Variants in SBF2 observed in about 807,000 individuals in gnomAD.
SBF2 encodes myotubularin-related protein 13.
A neutral mutation model predicts 225.2 loss-of-function variants in SBF2; 112 were observed. The observed-to-expected ratio is 0.50, with a 90% CI of 0.43 to 0.58. The LOEUF is 0.58. Among genes scored for constraint, SBF2 ranks in the 20% least tolerant of loss-of-function variants. The pLI is 0.00. For synonymous variants in SBF2, 763 were observed against 773.3 expected (o/e 0.99, Z 0.22); for missense variants, 1,996 against 2,206.2 (o/e 0.90, Z 1.91).
At chr11:10,147,204 G>A (rs182895585) in intron 2 of SBF2, among the ~76,000 whole-genome samples, 12 of 152,116 alleles carry the variant, frequency 7.9e-5, no homozygotes, top group Non-Finnish European at 1.2e-4. Flanking sequence ...TTGACCCAGC[G>A]ATCCCATTAG....
chr11:10,143,312 C>G (rs1954736612), intron 2 of SBF2, among the ~76,000 whole-genome samples: 1 of 152,098 alleles, frequency 6.6e-6, no homozygotes. Context: ...GCTGGGACTA[C>G]AGGTGTGCGC....
At chr11:9,840,079 A>T (rs1192380573) in intron 25 of SBF2, among the ~76,000 whole-genome samples, 3 of 81,996 alleles carry the variant, frequency 3.7e-5, no homozygotes, top group Non-Finnish European at 6.9e-5. Context: ...CTAAAAATAC[A>T]AAAAATTAGC....
At chr11:10,213,383 C>T (rs12278680) in intron 1 of SBF2, among the ~76,000 whole-genome samples, 21,947 of 152,148 alleles carry the variant, frequency 0.14, 1,853 homozygotes, top group East Asian at 0.28. Flanking sequence ...AGCAGACAAT[C>T]AGAACCACTC....
intron 32 of SBF2, among the ~76,000 whole-genome samples, chr11:9,798,979 A>C (rs1237468060): frequency 1.3e-5 from 2 of 151,748 alleles, no homozygotes; most frequent in Non-Finnish European, 2.9e-5. Flanking sequence ...AAAAACAAAC[A>C]AACAAAAAAC....
Position 9,785,325 on chromosome 11 carries a change from AAGAC to A in SBF2, c.5038-11_5038-8del, listed in dbSNP as rs1189608485. 32 of 1,613,056 alleles carry A rather than the reference AAGAC, an allele frequency of 2.0e-5. No homozygotes were observed. Among genetic ancestry groups the A allele is most frequent in the Non-Finnish European group, 2.5e-5 (30 of 1,179,200 alleles). ...TCGACAGGTGTCTTTGGGACTGAAAAAGACAGGACAGGAGCTAGGAAACCTTTAC... is the reference window on the plus strand; with the variant it reads ...TCGACAGGTGTCTTTGGGACTGAAAAAGGACAGGAGCTAGGAAACCTTTAC... On this transcript the variant is annotated splice_region_variant and splice_polypyrimidine_tract_variant and intron_variant, in intron 36 of 39. Transcript: ENST00000256190.
chr11:9,973,006 C>T (rs1165668404), intron 13 of SBF2, among the ~76,000 whole-genome samples: 3 of 152,120 alleles, frequency 2.0e-5, no homozygotes, highest in East Asian at 1.9e-4. Context: ...TTAGAAGATT[C>T]GAAAAAGACT....
intron 17 of SBF2, among the ~76,000 whole-genome samples, chr11:9,885,367 T>C (rs781311773): frequency 3.3e-5 from 5 of 151,412 alleles, no homozygotes; most frequent in Non-Finnish European, 5.9e-5. Flanking sequence ...GAACTCTTCA[T>C]TGTATTATTT....
chr11:9,895,554 T>C (rs1205367439), intron 17 of SBF2, among the ~76,000 whole-genome samples: 3 of 152,174 alleles, frequency 2.0e-5, no homozygotes, highest in African/African-American at 7.2e-5. Context: ...TCAATGTCAT[T>C]CATTCAATAA....
intron 2 of SBF2, chr11:10,149,104 T>TCCAA (rs1565286536): frequency 6.6e-6 from 1 of 152,290 alleles, no homozygotes; most frequent in Non-Finnish European, 1.5e-5. Flanking sequence ...ATCCAAATGC[T>TCCAA]AATAACCAAC....
At chr11:9,789,383 A>G (rs756450009) in intron 34 of SBF2, 41 bp from the exon 35 acceptor site, 35 of 1,487,516 alleles carry the variant, frequency 2.4e-5, no homozygotes, top group South Asian at 1.8e-4. Flanking sequence ...CTTGACCCCA[A>G]AGTACCCCAA....
chr11:10,267,116 T>G (rs1020228272), intron 1 of SBF2, among the ~76,000 whole-genome samples: 2 of 151,842 alleles, frequency 1.3e-5, no homozygotes, highest in African/African-American at 4.8e-5. Flanking sequence ...TTAAATTAAA[T>G]TACATTAAAT....
chr11:9,829,999 G>C (rs1049238589), intron 27 of SBF2, among the ~76,000 whole-genome samples: 1 of 152,210 alleles, frequency 6.6e-6, no homozygotes, highest in South Asian at 2.1e-4. Flanking sequence ...CCCACCAGGG[G>C]ACATGAGCCT....
intron 16 of SBF2, among the ~76,000 whole-genome samples, chr11:9,936,029 A>G (rs1202307514): frequency 6.6e-6 from 1 of 151,446 alleles, no homozygotes; most frequent in East Asian, 2.0e-4. Flanking sequence ...AATCTACAGA[A>G]TGGGAGAAAA....
At chr11:9,905,125 A>C (rs1862023221) in intron 16 of SBF2, among the ~76,000 whole-genome samples, 1 of 152,246 alleles carries the variant, frequency 6.6e-6, no homozygotes, top group Non-Finnish European at 1.5e-5. Context: ...GAAATCATTA[A>C]TGCATGTAAA....
intron 1 of SBF2, among the ~76,000 whole-genome samples, chr11:10,271,577 T>C (rs1318415990): frequency 3.7e-5 from 5 of 136,796 alleles, no homozygotes; most frequent in Non-Finnish European, 5.1e-5. Flanking sequence ...GGTCTTCATT[T>C]AGGAATTATA....
intron 1 of SBF2, among the ~76,000 whole-genome samples, chr11:10,243,215 T>C (rs1959408681): frequency 6.6e-6 from 1 of 151,848 alleles, no homozygotes; most frequent in Non-Finnish European, 1.5e-5. Context: ...AACAATATAT[T>C]CTGGAACAAC....
chr11:10,015,748 G>T (rs1247562614), intron 6 of SBF2, among the ~76,000 whole-genome samples: 1 of 152,158 alleles, frequency 6.6e-6, no homozygotes. Flanking sequence ...TGAAGAATCT[G>T]TATGTCATGT....
intron 2 of SBF2, among the ~76,000 whole-genome samples, chr11:10,175,976 C>A (rs1956444225): frequency 7.0e-6 from 1 of 142,812 alleles, no homozygotes; most frequent in Non-Finnish European, 1.5e-5. Context: ...AGAACAAAGA[C>A]ACAACATACC....
At chr11:9,866,520 T>C (rs949515312) in intron 17 of SBF2, among the ~76,000 whole-genome samples, 3 of 152,268 alleles carry the variant, frequency 2.0e-5, no homozygotes, top group Middle Eastern at 3.4e-3. Context: ...AAACTGGATA[T>C]CCATATGCAG....
Sources: allele counts gnomAD v4.1 joint callset (sites outside exome capture counted in the v4.1 genomes callset), GRCh38; gene constraint gnomAD v4.1.1; transcripts MANE v1.5; gene names NCBI Gene and HGNC (gene_info 2026-07-23, HGNC 2026-07-21).